Variants in PPARGC1B observed in about 807,000 individuals in gnomAD.
The protein encoded by PPARGC1B is peroxisome proliferator-activated receptor gamma coactivator 1-beta.
In PPARGC1B, 34 loss-of-function variants were observed where a neutral mutation model predicts 101.6. The observed-to-expected ratio is 0.33, with a 90% confidence interval of 0.25 to 0.45. The LOEUF (loss-of-function observed/expected upper bound fraction) is 0.45, where lower values mean the gene tolerates loss of function less well. Ranked by LOEUF, PPARGC1B falls within the 20% of genes least tolerant of loss-of-function variation. The pLI, the probability that PPARGC1B is intolerant of heterozygous loss-of-function variation, is 1.00. For synonymous variants in PPARGC1B, 548 were observed against 539.3 expected (o/e 1.02, Z -0.22); for missense variants, 1,234 against 1,317.6 (o/e 0.94, Z 0.98).
intron 1 of PPARGC1B, among the ~76,000 whole-genome samples, chr5:149,811,247 C>T (rs79489540): frequency 0.061 from 9,259 of 152,290 alleles, 390 homozygotes; most frequent in Admixed American, 0.15. Flanking sequence ...ATGCATTCAG[C>T]TGGATCAAGA....
intron 10 of PPARGC1B, among the ~76,000 whole-genome samples, chr5:149,845,318 G>A (rs977095692): frequency 6.6e-6 from 1 of 152,220 alleles, no homozygotes; most frequent in Non-Finnish European, 1.5e-5. Context: ...CAGGGGAATG[G>A]CATGGCAATG....
Position 149,836,378 on chromosome 5 carries a change from C to T in PPARGC1B, c.1923C>T (p.Gly641=), listed in dbSNP as rs768271923. ...CTCTCAGCCTCCCCTCCCCTGAGGG[C>T]CTCTCACTCAAGGCCACCCCAGGGG... ...EIALSLPSPE[G]LSLKATPGAA... The change falls in exon 8 of 12, where the codon GGC becomes GGT. Residue 641 remains glycine, a synonymous_variant. Coordinates refer to ENST00000309241, the MANE Select transcript of PPARGC1B (RefSeq NM_133263.4). 8.1e-6 allele frequency: 13 copies of T among 1,614,084 alleles called. No individual in the cohort carries two copies. Among genetic ancestry groups the T allele is most frequent in the Non-Finnish European group, 7.6e-6 (9 of 1,179,978 alleles).
chr5:149,753,340 G>T (rs1755386315), intron 1 of PPARGC1B, among the ~76,000 whole-genome samples: 1 of 151,958 alleles, frequency 6.6e-6, no homozygotes, highest in Admixed American at 6.6e-5. Context: ...CTGAGTAGCT[G>T]TGATTACAGG....
rs965341545 is a variant in PPARGC1B, at chr5:149,851,405, C to T, written c.*3847C>T. On this transcript the variant is annotated 3_prime_UTR_variant, in exon 12 of 12. Transcript: ENST00000309241. Reference sequence around the variant, plus strand: ...TGAGCCTGCAGCTTAAGAGATGGCTCATCCTAACTGTGAAGCAAAATCAGC... The same window carrying T: ...TGAGCCTGCAGCTTAAGAGATGGCTTATCCTAACTGTGAAGCAAAATCAGC... 7.9e-5 allele frequency: 12 copies of T among 152,200 alleles called. No individual in the cohort carries two copies. The highest frequency in any genetic ancestry group is 2.9e-4 in the African/African-American group (12 of 41,450). The allele number at this position is 152,200 out of a possible 1,614,324, so 9.4% of individuals were successfully genotyped here. A position where few individuals can be genotyped will look rare whatever the true frequency, so the allele number is the denominator to read the frequency against.
chr5:149,809,305 G>C, intron 1 of PPARGC1B, among the ~76,000 whole-genome samples: 1 of 93,122 alleles, frequency 1.1e-5, no homozygotes, highest in Non-Finnish European at 2.1e-5. Context: ...TAGATAGATA[G>C]ATAGATAGAT....
At chr5:149,751,447 T>C (rs577682675) in intron 1 of PPARGC1B, among the ~76,000 whole-genome samples, 6 of 152,278 alleles carry the variant, frequency 3.9e-5, no homozygotes, top group African/African-American at 7.2e-5. Flanking sequence ...GGCTCATGCC[T>C]GTAATCCCAG....
At chr5:149,817,001 C>T (rs71586143) in intron 1 of PPARGC1B, among the ~76,000 whole-genome samples, 10,434 of 152,306 alleles carry the variant, frequency 0.069, 490 homozygotes, top group Admixed American at 0.15. Flanking sequence ...ACCAGCCTTT[C>T]TAGTGTCATC....
chr5:149,799,142 G>A (rs951634646), intron 1 of PPARGC1B, among the ~76,000 whole-genome samples: 1 of 152,080 alleles, frequency 6.6e-6, no homozygotes, highest in African/African-American at 2.4e-5. Flanking sequence ...CTGTCTGTCT[G>A]TCCCTTCCTC....
At chr5:149,780,646 T>A (rs73265626) in intron 1 of PPARGC1B, among the ~76,000 whole-genome samples, 3,715 of 152,328 alleles carry the variant, frequency 0.024, 130 homozygotes, top group African/African-American at 0.083. Context: ...TTATTGATAA[T>A]TTTAAACATT....
chr5:149,820,448 G>C lies in PPARGC1B; in HGVS notation c.94G>C (p.Glu32Gln). The C allele has an allele frequency of 1.2e-6, 2 of 1,613,964 alleles. No homozygotes were observed. The highest frequency in any genetic ancestry group is 1.7e-6 in the Non-Finnish European group (2 of 1,180,014). Reference sequence around the variant, plus strand: ...GTCTCCTCAGGGTGGAGGGTCCGGGGAGGAGCAACTCTATGCTGACTTTCC... The same window carrying C: ...GTCTCCTCAGGGTGGAGGGTCCGGGCAGGAGCAACTCTATGCTGACTTTCC... ...LADTQGGGSG[E>Q]EQLYADFPEL... Residue 32 changes from glutamate to glutamine, a missense_variant, in exon 2 of 12, where the codon GAG (glutamate) becomes CAG (glutamine). Around this residue, in one of 3 missense-constraint regions of PPARGC1B, gnomAD observed 734 missense variants for 768.4 expected, o/e 0.96. Coordinates refer to ENST00000309241, the MANE Select transcript of PPARGC1B (RefSeq NM_133263.4).
intron 1 of PPARGC1B, among the ~76,000 whole-genome samples, chr5:149,750,213 C>T (rs1344857413): frequency 2.0e-5 from 3 of 151,528 alleles, no homozygotes; most frequent in Non-Finnish European, 2.9e-5. Flanking sequence ...CCAACCTCCC[C>T]AGTGAATCAC....
chr5:149,825,148 GCTCTC>G (rs1758462736), intron 2 of PPARGC1B, among the ~76,000 whole-genome samples: 1 of 152,222 alleles, frequency 6.6e-6, no homozygotes, highest in African/African-American at 2.4e-5. Flanking sequence ...GAAGCCACGT[GCTCTC>G]CACACCAGGC....
At chr5:149,765,082 G>A (rs903035435) in intron 1 of PPARGC1B, among the ~76,000 whole-genome samples, 1 of 151,964 alleles carries the variant, frequency 6.6e-6, no homozygotes, top group African/African-American at 2.4e-5. Flanking sequence ...ACTCCCTGGG[G>A]TGGGCTTCTT....
chr5:149,822,634 G>A (rs1206074186), intron 2 of PPARGC1B, among the ~76,000 whole-genome samples: 4 of 152,210 alleles, frequency 2.6e-5, no homozygotes, highest in East Asian at 1.9e-4. Flanking sequence ...CCTTCGACAC[G>A]CAGCTCTCCT....
At chr5:149,845,203 C>T (rs1197161338) in intron 10 of PPARGC1B, among the ~76,000 whole-genome samples, 5 of 152,126 alleles carry the variant, frequency 3.3e-5, no homozygotes, top group Non-Finnish European at 7.3e-5. Context: ...AAGATGCGTG[C>T]AGAAGACCAG....
intron 8 of PPARGC1B, among the ~76,000 whole-genome samples, chr5:149,839,477 T>A (rs539602017): frequency 5.9e-5 from 9 of 152,322 alleles, no homozygotes; most frequent in African/African-American, 2.2e-4. Context: ...GCTATGGGAC[T>A]AATGAGCCTG....
chr5:149,782,443 C>T (rs1174047773), intron 1 of PPARGC1B, among the ~76,000 whole-genome samples: 2 of 152,132 alleles, frequency 1.3e-5, no homozygotes, highest in Non-Finnish European at 2.9e-5. Context: ...ACTCAGAAAT[C>T]TGGGGGCTGG....
rs1252623717 is a variant in PPARGC1B, at chr5:149,826,823, C to A, written c.403C>A (p.Pro135Thr). 3 of 1,613,098 alleles carry A rather than the reference C, an allele frequency of 1.9e-6. No homozygotes were observed. Among genetic ancestry groups the A allele is most frequent in the Non-Finnish European group, 2.5e-6 (3 of 1,179,130 alleles). The change falls in exon 3 of 12, where the codon CCC becomes ACC. Residue 135 changes from proline to threonine, a missense_variant. Coordinates refer to ENST00000309241, the MANE Select transcript of PPARGC1B (RefSeq NM_133263.4). ...TSASPAPSSA[P>T]PSPAPEKPSA... ...AGCTTCGCCTGCCCCCTCATCTGCA[C>A]CCCCCAGCCCTGCCCCGGAGAAGCC...
At chr5:149,755,352 G>A (rs1489055767) in intron 1 of PPARGC1B, among the ~76,000 whole-genome samples, 7 of 151,602 alleles carry the variant, frequency 4.6e-5, no homozygotes, top group Non-Finnish European at 8.8e-5. Flanking sequence ...TTTGCCTCTG[G>A]TGTAGCTGGG....
Sources: gnomAD v4.1 joint callset for allele counts (sites outside exome capture counted in the v4.1 genomes callset) on GRCh38, gnomAD v4.1.1 for gene constraint, gnomAD v4.1.1 regional missense constraint, MANE v1.5 for transcripts, NCBI Gene and HGNC (gene_info 2026-07-23, HGNC 2026-07-21) for gene names.